TRPC7: variants seen among roughly 807,000 people sequenced by gnomAD.
The protein encoded by TRPC7 is transient receptor potential cation channel subfamily C member 7, also known as short transient receptor potential channel 7.
A neutral mutation model predicts 90.1 loss-of-function variants in TRPC7; 42 were observed. That is an observed-to-expected ratio of 0.47 (90% CI 0.36 to 0.60). TRPC7 has a LOEUF of 0.60. Among genes scored for constraint, TRPC7 ranks in the 20% least tolerant of loss-of-function variants. The probability of loss-of-function intolerance (pLI) is 0.00; values close to 1 mark genes in which losing one functional copy is unlikely to be tolerated. For synonymous variants in TRPC7, 451 were observed against 436.3 expected (o/e 1.03, Z -0.42); for missense variants, 955 against 1,112.3 (o/e 0.86, Z 2.01).
At position 136,365,477 on chromosome 5, in the gene TRPC7, T is replaced by A; in HGVS notation, c.-223A>T. Reference sequence around the variant, plus strand: ...ACTCGCCTTCCGAGGCAGAACCGTGTTACCGTCCTTTTCCTAATCGGGGGG... The same window carrying A: ...ACTCGCCTTCCGAGGCAGAACCGTGATACCGTCCTTTTCCTAATCGGGGGG... On this transcript the variant is annotated 5_prime_UTR_variant, in exon 1 of 12. It removes the in-frame stop codon of an upstream open reading frame in the 5' UTR. Coordinates refer to ENST00000513104, the MANE Select transcript of TRPC7 (RefSeq NM_020389.3). The A allele has an allele frequency of 1.7e-6, 1 of 578,624 alleles. No individual in the cohort carries two copies. Among genetic ancestry groups the A allele is most frequent in the Non-Finnish European group, 3.1e-6 (1 of 325,386 alleles). The allele number at this position is 578,624 out of a possible 1,614,324, so 35.8% of individuals were successfully genotyped here.
chr5:136,356,803 G>A lies in TRPC7; in HGVS notation c.585C>T (p.Asp195=), dbSNP rs1580992779. 6.2e-7 allele frequency: 1 copy of A among 1,613,162 alleles called. No homozygotes were observed. Among genetic ancestry groups the A allele is most frequent in the Non-Finnish European group, 8.5e-7 (1 of 1,179,394 alleles). ...LKGARIERPH[D]YFCKCNECTE... ...TGCACTCATTGCACTTGCAGAAGTAGTCGTGGGGCCGCTCGATGCGGGCGC... is the reference window on the plus strand; with the variant it reads ...TGCACTCATTGCACTTGCAGAAGTAATCGTGGGGCCGCTCGATGCGGGCGC... Residue 195 remains aspartate, a synonymous_variant, in exon 2 of 12, where the codon GAC becomes GAT. Coordinates refer to ENST00000513104, the MANE Select transcript of TRPC7 (RefSeq NM_020389.3).
At chr5:136,244,649 C>A (rs1274952026) in intron 7 of TRPC7, among the ~76,000 whole-genome samples, 2 of 152,196 alleles carry the variant, frequency 1.3e-5, no homozygotes, top group Admixed American at 1.3e-4. Context: ...AAAGTAAGAG[C>A]CTTCGTTTAT....
At position 136,356,693 on chromosome 5, in the gene TRPC7, G is replaced by A. The variant is rs1274322123; in HGVS notation, c.695C>T (p.Ser232Phe). The change falls in exon 2 of 12, where the codon TCC becomes TTC. Residue 232 changes from serine to phenylalanine, a missense_variant. Transcript: ENST00000513104. ...GAGGACAGGGTCTTCGCTGGACAGG[G>A]ACAAGTAGGCAGCACTCGCCAGTCC... ...YKGLASAAYL[S>F]LSSEDPVLTA... The A allele has an allele frequency of 6.2e-7, 1 of 1,608,646 alleles. No homozygotes were observed. The highest frequency in any genetic ancestry group is 2.2e-5 in the East Asian group (1 of 44,770).
chr5:136,344,783 T>C (rs772989325), intron 2 of TRPC7, among the ~76,000 whole-genome samples: 11 of 152,136 alleles, frequency 7.2e-5, no homozygotes, highest in Non-Finnish European at 1.0e-4. Context: ...TCCTTTGTGG[T>C]AACAACAAGT....
intron 2 of TRPC7, among the ~76,000 whole-genome samples, chr5:136,322,520 T>C (rs1759230755): frequency 6.6e-6 from 1 of 152,192 alleles, no homozygotes; most frequent in Admixed American, 6.5e-5. Context: ...CAGCACTTGG[T>C]ATTGTTAATT....
chr5:136,318,313 G>C (rs1361771141), intron 2 of TRPC7, among the ~76,000 whole-genome samples: 1 of 152,108 alleles, frequency 6.6e-6, no homozygotes, highest in African/African-American at 2.4e-5. Flanking sequence ...TGAACACTGA[G>C]GTCTGCCAGA....
intron 2 of TRPC7, 142 bp from the exon 3 acceptor site, chr5:136,315,921 A>C (rs13165205): frequency 0.11 from 87,878 of 793,664 alleles, 5,388 homozygotes; most frequent in Non-Finnish European, 0.13. Flanking sequence ...ACGCAGCAGG[A>C]TGTGCTGGGT....
intron 3 of TRPC7, among the ~76,000 whole-genome samples, chr5:136,284,551 C>A (rs1757649774): frequency 6.6e-6 from 1 of 152,218 alleles, no homozygotes; most frequent in Non-Finnish European, 1.5e-5. Context: ...CTGAGCCAAG[C>A]ACTAGGGACA....
intron 3 of TRPC7, among the ~76,000 whole-genome samples, chr5:136,313,222 T>C (rs1331776383): frequency 6.6e-6 from 1 of 152,230 alleles, no homozygotes; most frequent in Non-Finnish European, 1.5e-5. Flanking sequence ...AAAATCTTTT[T>C]TTTAAGGTAA....
chr5:136,300,682 G>A (rs921975409), intron 3 of TRPC7, among the ~76,000 whole-genome samples: 8 of 152,214 alleles, frequency 5.3e-5, no homozygotes, highest in Non-Finnish European at 4.4e-5. Context: ...CAGCAATGAA[G>A]GACATGGAGA....
rs532731359 is a variant in TRPC7 at position 136,308,071 on chromosome 5, C to T, written c.963+7526G>A. Among the ~76,000 whole-genome samples, 192 of 152,290 alleles carry T rather than the reference C, an allele frequency of 1.3e-3. 1 individual carries two copies. In the South Asian group the frequency reaches 0.02, roughly 16 times the overall value. ...GGCTCCTGGACACGACACTATACTG[C>T]TGCCCCACAAGTTCTATTTTCCTTC... On this transcript the variant is annotated intron_variant, in intron 3 of 11. Transcript: ENST00000513104.
At chr5:136,257,303 G>A (rs1193226672) in intron 5 of TRPC7, among the ~76,000 whole-genome samples, 4 of 150,954 alleles carry the variant, frequency 2.6e-5, no homozygotes, top group South Asian at 2.1e-4. Flanking sequence ...CTGCCTCAGC[G>A]TCCCGAGTAG....
intron 10 of TRPC7, among the ~76,000 whole-genome samples, chr5:136,222,992 A>T (rs1382758126): frequency 6.6e-6 from 1 of 152,204 alleles, no homozygotes; most frequent in Admixed American, 6.5e-5. Flanking sequence ...GCAGATGATG[A>T]CTCAGGACGA....
intron 10 of TRPC7, among the ~76,000 whole-genome samples, chr5:136,216,570 G>A (rs1160117799): frequency 1.6e-5 from 2 of 122,356 alleles, no homozygotes; most frequent in Non-Finnish European, 3.5e-5. Flanking sequence ...AGGGTGGAGT[G>A]GGCAGTGGCA....
rs761418783 is a variant in TRPC7 at position 136,357,340 on chromosome 5, C to T, written c.48G>A (p.Thr16=). The T allele has an allele frequency of 3.6e-5, 58 of 1,604,086 alleles. No individual in the cohort carries two copies. The highest frequency in any genetic ancestry group is 4.2e-5 in the Non-Finnish European group (49 of 1,179,782). ...CCTGGCGACGGCCCTTCTCCCTCAGCGTTGTGTGCCGGCGCTGCATGTTTT... is the reference window on the plus strand; with the variant it reads ...CCTGGCGACGGCCCTTCTCCCTCAGTGTTGTGTGCCGGCGCTGCATGTTTT... ...TFKNMQRRHT[T]LREKGRRQAI... is the part of the protein sequence containing the mutation. The change falls in exon 2 of 12, where the codon ACG becomes ACA. Residue 16 remains threonine (T), a synonymous_variant. Transcript: ENST00000513104.
At chr5:136,346,860 T>C (rs1436679745) in intron 2 of TRPC7, among the ~76,000 whole-genome samples, 1 of 152,162 alleles carries the variant, frequency 6.6e-6, no homozygotes, top group Non-Finnish European at 1.5e-5. Flanking sequence ...ATGCATGTCC[T>C]TCCTGGTACC....
intron 4 of TRPC7, 26 bp downstream of exon 4, chr5:136,274,647 C>G: frequency 6.4e-7 from 1 of 1,568,642 alleles, no homozygotes; most frequent in East Asian, 2.3e-5. Flanking sequence ...TAACCGCAAA[C>G]GACATGCACC....
At chr5:136,238,413 G>C (rs1405649032) in intron 7 of TRPC7, among the ~76,000 whole-genome samples, 1 of 152,122 alleles carries the variant, frequency 6.6e-6, no homozygotes, top group Non-Finnish European at 1.5e-5. Flanking sequence ...TTTGTCAATG[G>C]ATGATGGAAC....
chr5:136,319,283 C>T (rs1167142510), intron 2 of TRPC7, among the ~76,000 whole-genome samples: 1 of 152,132 alleles, frequency 6.6e-6, no homozygotes, highest in Admixed American at 6.6e-5. Flanking sequence ...TCTGTGTTCC[C>T]TCCTCTGGCT....
Sources: gnomAD v4.1 joint callset for allele counts (sites outside exome capture counted in the v4.1 genomes callset) on GRCh38, gnomAD v4.1.1 for gene constraint, MANE v1.5 for transcripts, NCBI Gene and HGNC (gene_info 2026-07-23, HGNC 2026-07-21) for gene names.